Variants in FADS6 observed in about 807,000 individuals in gnomAD.
The protein encoded by FADS6 is fatty acid desaturase domain family, member 6.
FADS6 carries 28 observed loss-of-function variants against 31.7 expected under a neutral mutation model. The observed-to-expected ratio is 0.88, with a 90% CI of 0.66 to 1.21. The LOEUF (loss-of-function observed/expected upper bound fraction) is 1.21, where lower values mean the gene tolerates loss of function less well. Ranked by LOEUF, FADS6 falls within the 50% of genes most tolerant of loss-of-function variation. FADS6 has a pLI of 0.00. For missense variants in FADS6, 494 were observed against 504.2 expected, an observed-to-expected ratio of 0.98 and a Z score of 0.19; for synonymous variants, 191 against 213.1, an observed-to-expected ratio of 0.90 and a Z score of 0.90.
chr17:74,885,180 T>C (rs1277148288), intron 2 of FADS6, among the ~76,000 whole-genome samples: 1 of 152,128 alleles, frequency 6.6e-6, no homozygotes, highest in African/African-American at 2.4e-5. Context: ...GTTACTGCCT[T>C]TGTTGGCAAA....
At chr17:74,880,146 T>C (rs1598553875) in intron 4 of FADS6, among the ~76,000 whole-genome samples, 2 of 152,228 alleles carry the variant, frequency 1.3e-5, no homozygotes, top group East Asian at 3.9e-4. Context: ...CTCTGAGGCC[T>C]TCCCTGGGCA....
At chr17:74,891,115 T>C (rs1267816394) in intron 2 of FADS6, among the ~76,000 whole-genome samples, 1 of 148,518 alleles carries the variant, frequency 6.7e-6, no homozygotes, top group Non-Finnish European at 1.5e-5. Context: ...CTTTTTGATT[T>C]TTTTTTTTTT....
intron 2 of FADS6, among the ~76,000 whole-genome samples, chr17:74,889,242 C>A (rs921731434): frequency 2.6e-5 from 4 of 152,196 alleles, no homozygotes; most frequent in Admixed American, 6.5e-5. Context: ...GAGGCTGCAG[C>A]ATTTGCCAAA....
chr17:74,888,410 T>C (rs2038653891), intron 2 of FADS6, among the ~76,000 whole-genome samples: 1 of 152,142 alleles, frequency 6.6e-6, no homozygotes, highest in Non-Finnish European at 1.5e-5. Context: ...AAGTTGTAGT[T>C]GAACTTAGGC....
chr17:74,883,693 G>A lies in FADS6; in HGVS notation c.412-983C>T, dbSNP rs748419267. Among the ~76,000 whole-genome samples the A allele has an allele frequency of 5.3e-5, 8 of 152,086 alleles. No homozygotes were observed. In the East Asian group the frequency reaches 7.7e-4, roughly 15 times the overall value. On this transcript the variant is annotated intron_variant, in intron 2 of 5. Coordinates refer to ENST00000612771, the MANE Select transcript of FADS6 (RefSeq NM_178128.6). The stretch of plus-strand genomic sequence containing the variant: ...TTATTCTGTTTTGAGATGGAGTCTC[G>A]CTCTGTTGCCCAGGCTTGAGTGCAG...
At position 74,892,702 on chromosome 17, in the gene FADS6, G is replaced by C; in HGVS notation, c.245-13C>G. On this transcript the variant is annotated splice_polypyrimidine_tract_variant and intron_variant, in intron 1 of 5. Coordinates refer to ENST00000612771, the MANE Select transcript of FADS6 (RefSeq NM_178128.6). ...AGGCACAGGAAGCCTGCGTGGAGAGGAGGAAGAAGACGGGTCTTTCTCTAG... is the reference window on the plus strand; with the variant it reads ...AGGCACAGGAAGCCTGCGTGGAGAGCAGGAAGAAGACGGGTCTTTCTCTAG... 6.2e-7 allele frequency: 1 copy of C among 1,605,298 alleles called. No individual in the cohort carries two copies. Among genetic ancestry groups the C allele is most frequent in the Admixed American group, 1.7e-5 (1 of 59,188 alleles).
At chr17:74,889,870 C>CAAAAAAAAAAAAAAAA (rs59381032) in intron 2 of FADS6, among the ~76,000 whole-genome samples, 1 of 53,528 alleles carries the variant, frequency 1.9e-5, no homozygotes, top group African/African-American at 7.0e-5. Context: ...GACTCAGTCT[C>CAAAAAAAAAAAAAAAA]AAAAAAAAAA....
At chr17:74,876,363 G>C (rs912301481), downstream of FADS6, among the ~76,000 whole-genome samples, 3 of 151,964 alleles carry the variant, frequency 2.0e-5, no homozygotes, top group African/African-American at 7.3e-5. Flanking sequence ...TTCTCAACTG[G>C]GTCAACTCAG....
At chr17:74,879,206 T>C (rs1236879148) in intron 5 of FADS6, 198 bp downstream of exon 5, 1 of 644,914 alleles carries the variant, frequency 1.6e-6, no homozygotes, top group Non-Finnish European at 2.5e-6. Context: ...CCCGCTAATT[T>C]TTGAATTTTT....
At chr17:74,892,813 C>T (rs574709849) in intron 1 of FADS6, 124 bp from the exon 2 acceptor site, 65 of 970,672 alleles carry the variant, frequency 6.7e-5, no homozygotes, top group Middle Eastern at 2.2e-4. Flanking sequence ...CTGCCACTGG[C>T]CGGAGTGAGG....
intron 2 of FADS6, 26 bp downstream of exon 2, chr17:74,892,497 C>T (rs1018064502): frequency 6.2e-7 from 1 of 1,603,362 alleles, no homozygotes; most frequent in Non-Finnish European, 8.5e-7. Flanking sequence ...CAGCAGCTGC[C>T]TGCATCCTCC....
chr17:74,879,625 C>T, intron 4 of FADS6, 42 bp from the exon 5 acceptor site: 3 of 1,577,876 alleles, frequency 1.9e-6, no homozygotes, highest in Admixed American at 1.7e-5. Flanking sequence ...CCTGGACCTC[C>T]CCACCCCACT....
At chr17:74,883,895 T>C (rs567349501) in intron 2 of FADS6, among the ~76,000 whole-genome samples, 4 of 152,328 alleles carry the variant, frequency 2.6e-5, no homozygotes, top group Admixed American at 2.6e-4. Context: ...CTCGAACTCC[T>C]GGCTTCATGT....
chr17:74,887,293 C>A (rs533329373), intron 2 of FADS6, among the ~76,000 whole-genome samples: 2 of 152,324 alleles, frequency 1.3e-5, no homozygotes, highest in Non-Finnish European at 2.9e-5. Flanking sequence ...CTGTGTTGCC[C>A]AGGCTGGTCT....
At position 74,882,572 on chromosome 17, in the gene FADS6, C is replaced by T. The variant is rs1409786862; in HGVS notation, c.550G>A (p.Ala184Thr). Residue 184 changes from alanine (A) to threonine (T), a missense_variant, in exon 3 of 6, where the codon GCT (alanine) becomes ACT (threonine). Ala to Thr is a moderately conservative substitution (Grantham distance 58, BLOSUM62 0). This residue lies in a region of FADS6 where 454 missense variants were observed against 438.5 expected (regional missense o/e 1.04). Coordinates refer to ENST00000612771, the MANE Select transcript of FADS6 (RefSeq NM_178128.6). ...CLNRYVYMFL[A>T]PFLLPIATPL... The stretch of plus-strand genomic sequence containing the variant: ...GTGGCGATGGGGAGGAGGAAAGGAG[C>T]AAGGAACATGTAGACATAGCGGTTG... 1.2e-6 allele frequency: 2 copies of T among 1,612,088 alleles called. No homozygotes were observed. Among genetic ancestry groups the T allele is most frequent in the Non-Finnish European group, 1.7e-6 (2 of 1,179,300 alleles).
In FADS6 at chr17:74,881,123, A is replaced by AT; in HGVS notation, c.724dup (p.Met242AsnfsTer44). 6.2e-7 allele frequency: 1 copy of AT among 1,613,750 alleles called. No homozygotes were observed. The highest frequency in any genetic ancestry group is 2.2e-5 in the East Asian group (1 of 44,880). ...GGCCAACAGGGATCTGGTGAGGAACATGCAGCCCAGGGCTGAGCTGGGGTT... is the reference window on the plus strand; with the variant it reads ...GGCCAACAGGGATCTGGTGAGGAACATTGCAGCCCAGGGCTGAGCTGGGGTT... On this transcript the variant is annotated frameshift_variant, in exon 4 of 6. Transcript: ENST00000612771. LOFTEE classifies it high-confidence loss of function.
chr17:74,881,287 A>C, intron 3 of FADS6, 32 bp from the exon 4 acceptor site: 2 of 1,553,890 alleles, frequency 1.3e-6, no homozygotes, highest in Non-Finnish European at 1.7e-6. Flanking sequence ...GGCAAGGCTC[A>C]GATCCATCAG....
chr17:74,884,757 G>A (rs1198273171), intron 2 of FADS6, among the ~76,000 whole-genome samples: 3 of 152,046 alleles, frequency 2.0e-5, no homozygotes, highest in Non-Finnish European at 4.4e-5. Context: ...GCCCAGGCTG[G>A]AGTGCAATGG....
chr17:74,875,391 A>C (rs1307273657), downstream of FADS6, among the ~76,000 whole-genome samples: 1 of 152,204 alleles, frequency 6.6e-6, no homozygotes, highest in African/African-American at 2.4e-5. Context: ...GTCTCTGCAG[A>C]GATCTGGATA....
Sources: allele counts gnomAD v4.1 joint callset (sites outside exome capture counted in the v4.1 genomes callset), GRCh38; gene constraint gnomAD v4.1.1; regional missense constraint gnomAD v4.1.1; transcripts MANE v1.5; gene names NCBI Gene and HGNC (gene_info 2026-07-23, HGNC 2026-07-21).